RSPO4: variants seen among roughly 807,000 people sequenced by gnomAD.
RSPO4 encodes the protein R-spondin-4.
RSPO4 carries 23 observed loss-of-function variants against 24.8 expected under a neutral mutation model. The observed-to-expected ratio is 0.93, with a 90% CI of 0.67 to 1.31. RSPO4 has a LOEUF of 1.31. Ranked by LOEUF, RSPO4 falls within the 40% of genes most tolerant of loss-of-function variation. The probability of loss-of-function intolerance (pLI) is 0.00; values close to 1 mark genes in which losing one functional copy is unlikely to be tolerated. For synonymous variants in RSPO4, 141 were observed against 127.4 expected, an observed-to-expected ratio of 1.11 and a Z score of -0.72; for missense variants, 333 against 316.5, an observed-to-expected ratio of 1.05 and a Z score of -0.39.
Position 960,333 on chromosome 20 carries a change from C to A in RSPO4, c.*24G>T. 1 of 1,500,470 alleles carries A rather than the reference C, an allele frequency of 6.7e-7. No individual in the cohort carries two copies. The highest frequency in any genetic ancestry group is 9.0e-7 in the Non-Finnish European group (1 of 1,114,486). 92.9% of individuals were successfully genotyped at this position (1,500,470 alleles called of 1,614,324 possible). A position where few individuals can be genotyped will look rare whatever the true frequency, so the allele number is the denominator to read the frequency against. ...GGTGTGCAGGGGCCGAGGACTAGGA[C>A]CAGAGAGTCGGGAGAGCCGGCGGTC... On this transcript the variant is annotated 3_prime_UTR_variant, in exon 5 of 5. Transcript: ENST00000217260.
At chr20:992,148 A>C (rs999489685) in intron 1 of RSPO4, among the ~76,000 whole-genome samples, 1 of 152,128 alleles carries the variant, frequency 6.6e-6, no homozygotes, top group African/African-American at 2.4e-5. Flanking sequence ...AATAGCCATC[A>C]CATCATTTAT....
chr20:977,517 C>T (rs1361019317), intron 1 of RSPO4, among the ~76,000 whole-genome samples: 1 of 152,162 alleles, frequency 6.6e-6, no homozygotes, highest in African/African-American at 2.4e-5. Flanking sequence ...ATCACTGTTA[C>T]TACCATTATT....
intron 1 of RSPO4, among the ~76,000 whole-genome samples, chr20:977,987 C>T (rs1456438339): frequency 6.6e-6 from 1 of 152,206 alleles, no homozygotes; most frequent in Non-Finnish European, 1.5e-5. Flanking sequence ...GAGGCTTGCT[C>T]AGAAGATCCC....
chr20:989,075 C>T (rs1173915791), intron 1 of RSPO4, among the ~76,000 whole-genome samples: 2 of 152,192 alleles, frequency 1.3e-5, no homozygotes, highest in African/African-American at 2.4e-5. Context: ...CCTCCGGCCC[C>T]CATCTCCCAA....
At position 960,174 on chromosome 20, in the gene RSPO4, A is replaced by G. The variant is rs1023715607; in HGVS notation, c.*183T>C. On this transcript the variant is annotated 3_prime_UTR_variant, in exon 5 of 5. Transcript: ENST00000217260. ...AGAGGAGAATGGAGGTGGAAGAAAT[A>G]AAGGAAATAAAAAAGAAAAAGAAAG... 1.3e-5 allele frequency: 8 copies of G among 596,052 alleles called. No individual in the cohort carries two copies. Among genetic ancestry groups the G allele is most frequent in the African/African-American group, 1.9e-5 (1 of 53,774 alleles). The allele number at this position is 596,052 out of a possible 1,614,324, so 36.9% of individuals were successfully genotyped here.
intron 1 of RSPO4, among the ~76,000 whole-genome samples, chr20:993,353 G>T (rs1045209265): frequency 6.6e-6 from 1 of 152,242 alleles, no homozygotes; most frequent in Non-Finnish European, 1.5e-5. Flanking sequence ...CCCATCCGGA[G>T]ATGGGAAGCA....
intron 4 of RSPO4, among the ~76,000 whole-genome samples, chr20:961,439 G>T (rs1478370891): frequency 6.6e-6 from 1 of 152,218 alleles, no homozygotes; most frequent in African/African-American, 2.4e-5. Context: ...TATTCCTTGG[G>T]TGTCAACTAT....
chr20:968,069 C>T lies in RSPO4; in HGVS notation c.149G>A (p.Cys50Tyr), dbSNP rs2122218412. The change falls in exon 2 of 5, where the codon TGC (cysteine) becomes TAC (tyrosine). Residue 50 changes from cysteine to tyrosine, a missense_variant. Transcript: ENST00000217260. Reference sequence around the variant, plus strand: ...GATGAACAGGAAGAGCCTCTGCTGGCAGGTGGAACAGCCGTTCTCCTCTGA... The same window carrying T: ...GATGAACAGGAAGAGCCTCTGCTGGTAGGTGGAACAGCCGTTCTCCTCTGA... ...ICSEENGCST[C>Y]QQRLFLFIRR... The T allele has an allele frequency of 6.2e-7, 1 of 1,614,226 alleles. No individual in the cohort carries two copies. Among genetic ancestry groups the T allele is most frequent in the Non-Finnish European group, 8.5e-7 (1 of 1,180,042 alleles).
At chr20:982,122 TG>T (rs1984755381) in intron 1 of RSPO4, among the ~76,000 whole-genome samples, 1 of 152,190 alleles carries the variant, frequency 6.6e-6, no homozygotes, top group Non-Finnish European at 1.5e-5. Flanking sequence ...CAAGCTGTGC[TG>T]GGGGTAGAGC....
At chr20:992,296 C>T (rs1350064024) in intron 1 of RSPO4, among the ~76,000 whole-genome samples, 10 of 115,372 alleles carry the variant, frequency 8.7e-5, no homozygotes, top group African/African-American at 1.1e-4. Context: ...GACGGAGTTT[C>T]GCTCTTGTTG....
At chr20:971,185 C>T (rs1984394823) in intron 1 of RSPO4, among the ~76,000 whole-genome samples, 1 of 152,174 alleles carries the variant, frequency 6.6e-6, no homozygotes, top group South Asian at 2.1e-4. Context: ...TGGTATATAC[C>T]CTAGAGCGGC....
chr20:975,784 T>C (rs1456602442), intron 1 of RSPO4, among the ~76,000 whole-genome samples: 4 of 152,200 alleles, frequency 2.6e-5, no homozygotes, highest in Non-Finnish European at 4.4e-5. Context: ...TTTGGGGCAG[T>C]TGTGTGACCT....
chr20:980,394 C>T (rs1984698852), intron 1 of RSPO4, among the ~76,000 whole-genome samples: 1 of 152,100 alleles, frequency 6.6e-6, no homozygotes, highest in South Asian at 2.1e-4. Context: ...GGAAATTGGC[C>T]AAATGGTGGC....
intron 1 of RSPO4, among the ~76,000 whole-genome samples, chr20:972,993 A>C (rs571582608): frequency 6.6e-6 from 1 of 152,378 alleles, no homozygotes; most frequent in Non-Finnish European, 1.5e-5. Flanking sequence ...TCACACCCTG[A>C]CATGGCGTTG....
intron 4 of RSPO4, among the ~76,000 whole-genome samples, chr20:963,435 G>A (rs960354104): frequency 2.6e-5 from 4 of 152,144 alleles, no homozygotes; most frequent in East Asian, 3.9e-4. Flanking sequence ...CTCTGATGGC[G>A]ATGTGGCCAC....
intron 1 of RSPO4, among the ~76,000 whole-genome samples, chr20:975,139 C>T (rs1984522782): frequency 6.6e-6 from 1 of 152,176 alleles, no homozygotes; most frequent in Admixed American, 6.5e-5. Context: ...AGACAGCGAA[C>T]AGATCACGGT....
intron 1 of RSPO4, among the ~76,000 whole-genome samples, chr20:1,001,585 G>A (rs1985462952): frequency 6.6e-6 from 1 of 152,108 alleles, no homozygotes; most frequent in East Asian, 1.9e-4. Flanking sequence ...ACTCAACATA[G>A]GGGGGCCATG....
intron 3 of RSPO4, 143 bp downstream of exon 3, chr20:967,031 G>A: frequency 2.7e-6 from 2 of 746,048 alleles, no homozygotes; most frequent in Non-Finnish European, 4.3e-6. Flanking sequence ...GGTACCCAGT[G>A]TACCTGACAT....
rs1984521677 is a variant in RSPO4, at chr20:975,103, T to C, written c.80-6965A>G. 2.0e-5 allele frequency among the ~76,000 whole-genome samples: 3 copies of C among 152,178 alleles called. No homozygotes were observed. In the South Asian group the frequency reaches 6.2e-4, roughly 32 times the overall value. ...TTGAGCTGGTTTTCTTCTGTCAAAT[T>C]ACAATAAAAATGGATGTAGCTCACT... is the stretch of plus-strand genomic sequence containing the variant. On this transcript the variant is annotated intron_variant, in intron 1 of 4. Transcript: ENST00000217260.
Sources: gnomAD v4.1 joint callset for allele counts (sites outside exome capture counted in the v4.1 genomes callset) on GRCh38, gnomAD v4.1.1 for gene constraint, MANE v1.5 for transcripts, NCBI Gene and HGNC (gene_info 2026-07-23, HGNC 2026-07-21) for gene names.